The following SNAP25 variants were observed in gnomAD, a reference collection of about 807,000 sequenced individuals.
The protein encoded by SNAP25 is synaptosomal-associated protein 25.
In SNAP25, 3 loss-of-function variants were observed where a neutral mutation model predicts 28.7. The ratio of observed to expected loss-of-function variants is 0.10; its 90% CI spans 0.05 to 0.27. SNAP25 has a LOEUF of 0.27. SNAP25 is among the 10% of genes least tolerant of loss of function. The probability of loss-of-function intolerance (pLI) is 1.00; values close to 1 mark genes in which losing one functional copy is unlikely to be tolerated. For missense variants in SNAP25, 117 were observed against 278.7 expected, an observed-to-expected ratio of 0.42 and a Z score of 4.13; for synonymous variants, 61 against 88.1, an observed-to-expected ratio of 0.69 and a Z score of 1.72.
At chr20:10,275,065 C>T (rs1410631675) in intron 1 of SNAP25, among the ~76,000 whole-genome samples, 1 of 102,622 alleles carries the variant, frequency 9.7e-6, no homozygotes, top group African/African-American at 3.7e-5. Flanking sequence ...CTTAATAGAG[C>T]TATTTAAATA....
rs184633993 is a variant in SNAP25, at chr20:10,263,835, C to T, written c.-63-11594C>T. On this transcript the variant is annotated intron_variant, in intron 1 of 7. Transcript: ENST00000254976. ...ATGCGGCTGCACTAACAGTAGCACT[C>T]TGTAAATATTGGTTAAATGAATGAA... Among the ~76,000 whole-genome samples the T allele has an allele frequency of 4.0e-4, 61 of 152,276 alleles. 1 individual carries two copies. The highest frequency in any genetic ancestry group is 1.4e-3 in the African/African-American group (60 of 41,548).
chr20:10,230,603 T>C (rs775375276), intron 1 of SNAP25, among the ~76,000 whole-genome samples: 7 of 152,202 alleles, frequency 4.6e-5, no homozygotes, highest in Non-Finnish European at 7.4e-5. Context: ...ACCTCTGTTT[T>C]AATCATCTCC....
intron 5 of SNAP25, among the ~76,000 whole-genome samples, chr20:10,295,426 C>T (rs952860359): frequency 1.3e-5 from 2 of 152,208 alleles, no homozygotes; most frequent in African/African-American, 2.4e-5. Flanking sequence ...AAGCCAGACT[C>T]TAAGCCCTAT....
intron 1 of SNAP25, among the ~76,000 whole-genome samples, chr20:10,228,764 T>A (rs1364567181): frequency 6.6e-6 from 1 of 152,164 alleles, no homozygotes; most frequent in African/African-American, 2.4e-5. Context: ...AGGAAGGGAC[T>A]GTTGTTATGT....
At chr20:10,252,054 A>G (rs1381212939) in intron 1 of SNAP25, among the ~76,000 whole-genome samples, 1 of 151,904 alleles carries the variant, frequency 6.6e-6, no homozygotes, top group Admixed American at 6.6e-5. Flanking sequence ...GAACTCTACC[A>G]CCCTCCAGTT....
At chr20:10,245,617 G>A (rs1198034044) in intron 1 of SNAP25, among the ~76,000 whole-genome samples, 1 of 152,226 alleles carries the variant, frequency 6.6e-6, no homozygotes, top group Non-Finnish European at 1.5e-5. Flanking sequence ...CCCCGGGCGT[G>A]TGCCCAGATC....
At chr20:10,284,802 T>C (rs1351043193) in intron 4 of SNAP25, 30 bp downstream of exon 4, 3 of 1,570,410 alleles carry the variant, frequency 1.9e-6, no homozygotes, top group East Asian at 2.2e-5. Flanking sequence ...GTAAGAACAA[T>C]TCCTCTTCTG....
At position 10,298,948 on chromosome 20, in the gene SNAP25, G is replaced by C. The variant is rs363001; in HGVS notation, c.408-320G>C. Among the ~76,000 whole-genome samples the C allele has an allele frequency of 0.11, 16,812 of 151,992 alleles. 1,174 individuals are homozygous for C. The highest frequency in any genetic ancestry group is 0.19 in the East Asian group (959 of 5,176). ...TGCTCTGACCTAAAGTCCTTTCAAAGAAAATGTTTTCATCCTTAAACAATA... is the reference window on the plus strand; with the variant it reads ...TGCTCTGACCTAAAGTCCTTTCAAACAAAATGTTTTCATCCTTAAACAATA... On this transcript the variant is annotated intron_variant, in intron 6 of 7. Transcript: ENST00000254976.
In SNAP25 at chr20:10,293,864, A is replaced by G. The variant is rs1014272130; in HGVS notation, c.281+586A>G. Among the ~76,000 whole-genome samples the G allele has an allele frequency of 2.0e-5, 3 of 152,138 alleles. No individual in the cohort carries two copies. The highest frequency in any genetic ancestry group is 4.4e-5 in the Non-Finnish European group (3 of 68,014). On this transcript the variant is annotated intron_variant, in intron 5 of 7. Coordinates refer to ENST00000254976, the MANE Select transcript of SNAP25 (RefSeq NM_130811.4). The surrounding 1 kb of genome is among the most constrained non-coding windows in gnomAD (Gnocchi z 5.6). ...GCAAGAAGTGCTCAAGCCTTACTCA[A>G]ATTGGACCCATCCCTCCCAAATTTT...
rs529839268 is a variant in SNAP25, at chr20:10,272,712, G to T, written c.-63-2717G>T. ...GCATTCGAAAATTAGCAGGCTCATC[G>T]TAAGATGCTCTGTCAGTTATAAAAT... On this transcript the variant is annotated intron_variant, in intron 1 of 7. Transcript: ENST00000254976. Among the ~76,000 whole-genome samples the T allele has an allele frequency of 7.9e-5, 12 of 152,258 alleles. No individual in the cohort carries two copies. In the South Asian group the frequency reaches 1.9e-3, roughly 24 times the overall value.
At chr20:10,301,896 G>A (rs6039822) in intron 7 of SNAP25, among the ~76,000 whole-genome samples, 88,827 of 145,810 alleles carry the variant, frequency 0.61, 28,809 homozygotes, top group African/African-American at 0.85. Context: ...TATATTATAT[G>A]TATATGGTTA....
intron 1 of SNAP25, among the ~76,000 whole-genome samples, chr20:10,248,541 G>A (rs2063169632): frequency 6.6e-6 from 1 of 152,048 alleles, no homozygotes; most frequent in Non-Finnish European, 1.5e-5. Context: ...TTTGTTATGT[G>A]CTATATGTCA....
chr20:10,221,946 A>G (rs1473722311), intron 1 of SNAP25, among the ~76,000 whole-genome samples: 2 of 152,256 alleles, frequency 1.3e-5, no homozygotes, highest in Non-Finnish European at 2.9e-5. Flanking sequence ...TGCTTTTTAG[A>G]TAATTCACTA....
chr20:10,255,245 G>A (rs1225799098), intron 1 of SNAP25, among the ~76,000 whole-genome samples: 1 of 152,214 alleles, frequency 6.6e-6, no homozygotes, highest in Non-Finnish European at 1.5e-5. Flanking sequence ...ACTCACTGGT[G>A]TAGCAAAGCA....
At chr20:10,260,343 C>G (rs1289539191) in intron 1 of SNAP25, among the ~76,000 whole-genome samples, 1 of 152,116 alleles carries the variant, frequency 6.6e-6, no homozygotes, top group Non-Finnish European at 1.5e-5. Flanking sequence ...GTTCTATAAA[C>G]ACAATGAAGT....
chr20:10,292,921 A>G (rs1163041869), intron 4 of SNAP25: 1 of 1,613,250 alleles, frequency 6.2e-7, no homozygotes, highest in Non-Finnish European at 8.5e-7. Flanking sequence ...AACCATATCA[A>G]CCAAGACATG....
At chr20:10,300,243 T>C (rs897250109) in intron 7 of SNAP25, among the ~76,000 whole-genome samples, 6 of 152,114 alleles carry the variant, frequency 3.9e-5, no homozygotes, top group African/African-American at 1.4e-4. Context: ...ACTGGAACGT[T>C]CCTATAAAGA....
intron 1 of SNAP25, among the ~76,000 whole-genome samples, chr20:10,226,816 G>T (rs533277302): frequency 6.6e-6 from 1 of 152,162 alleles, no homozygotes; most frequent in East Asian, 1.9e-4. Flanking sequence ...TATTTACATG[G>T]CAATCAACTA....
At position 10,218,909 on chromosome 20, in the gene SNAP25, T is replaced by G. The variant is rs2062567693; in HGVS notation, c.-132T>G. The G allele has an allele frequency of 6.6e-6, 1 of 152,334 alleles. No individual in the cohort carries two copies. Among genetic ancestry groups the G allele is most frequent in the Non-Finnish European group, 1.5e-5 (1 of 68,164 alleles). 9.4% of individuals were successfully genotyped at this position (152,334 alleles called of 1,614,324 possible). ...CAGGCGCTGTCTTTCCTTCCCTCCCTGCTCGGCGGCTCCACCACAGTTGCA... is the reference window on the plus strand; with the variant it reads ...CAGGCGCTGTCTTTCCTTCCCTCCCGGCTCGGCGGCTCCACCACAGTTGCA... On this transcript the variant is annotated 5_prime_UTR_variant, in exon 1 of 8. Transcript: ENST00000254976.
Sources: gnomAD v4.1 joint callset for allele counts (sites outside exome capture counted in the v4.1 genomes callset) on GRCh38, gnomAD v4.1.1 for gene constraint, Gnocchi (gnomAD v3.1) non-coding constraint, MANE v1.5 for transcripts, NCBI Gene and HGNC (gene_info 2026-07-23, HGNC 2026-07-21) for gene names.